The following CTNNA2 variants were observed in gnomAD, a reference collection of about 807,000 sequenced individuals.
CTNNA2 encodes catenin alpha-2.
Under a neutral mutation model 101.0 loss-of-function variants are expected in CTNNA2, and 42 were observed. The ratio of observed to expected loss-of-function variants is 0.42; its 90% confidence interval spans 0.32 to 0.54. CTNNA2 has a LOEUF of 0.54. Ranked by LOEUF, CTNNA2 falls within the 20% of genes least tolerant of loss-of-function variation. The pLI is 0.14. For synonymous variants in CTNNA2, 450 were observed against 456.4 expected, an observed-to-expected ratio of 0.99 and a Z score of 0.18; for missense variants, 871 against 1,223.1, an observed-to-expected ratio of 0.71 and a Z score of 4.29.
At chr2:80,444,227 G>T (rs1007252959) in intron 9 of CTNNA2, among the ~76,000 whole-genome samples, 1 of 152,178 alleles carries the variant, frequency 6.6e-6, no homozygotes, top group African/African-American at 2.4e-5. Context: ...GGGCAATAAG[G>T]ATGGGAGCAC....
At chr2:79,635,553 G>C (rs1352784700) in intron 1 of CTNNA2, among the ~76,000 whole-genome samples, 1 of 151,674 alleles carries the variant, frequency 6.6e-6, no homozygotes, top group Non-Finnish European at 1.5e-5. Context: ...GCCCAGACTG[G>C]AGTGTAGTGG....
chr2:80,043,940 C>T lies in CTNNA2; in HGVS notation c.1056+134143C>T, dbSNP rs1056465640. Among the ~76,000 whole-genome samples the T allele has an allele frequency of 5.3e-5, 8 of 152,244 alleles. No individual in the cohort carries two copies. The South Asian group carries it at 1.2e-3, about 24-fold the overall frequency. Reference sequence around the variant, plus strand: ...GTGTGTTTGTGCATGTATGCACACTCATGTTGTGCATGTATACACACCCAT... The same window carrying T: ...GTGTGTTTGTGCATGTATGCACACTTATGTTGTGCATGTATACACACCCAT... On this transcript the variant is annotated intron_variant, in intron 7 of 18. Transcript: ENST00000402739.
chr2:79,255,146 G>A (rs896119997), intron 2 of CTNNA2, among the ~76,000 whole-genome samples: 2 of 152,142 alleles, frequency 1.3e-5, no homozygotes, highest in African/African-American at 4.8e-5. Flanking sequence ...AAGATCCCAG[G>A]TAATTTTAAG....
chr2:79,541,439 T>C (rs200081337), intron 1 of CTNNA2, among the ~76,000 whole-genome samples: 36,116 of 145,560 alleles, frequency 0.25, 5,369 homozygotes, highest in Non-Finnish European at 0.32. Flanking sequence ...TATATATATA[T>C]ATATATATAT....
intron 6 of CTNNA2, among the ~76,000 whole-genome samples, chr2:79,885,999 A>G (rs1010620203): frequency 6.6e-6 from 1 of 152,250 alleles, no homozygotes; most frequent in African/African-American, 2.4e-5. Context: ...TTCAAAGTGT[A>G]TATGTGCCAG....
At chr2:79,333,053 C>T (rs1420301365) in intron 3 of CTNNA2, among the ~76,000 whole-genome samples, 1 of 152,128 alleles carries the variant, frequency 6.6e-6, no homozygotes. Context: ...GAATAACTAT[C>T]AGAATTTTGA....
chr2:80,625,280 C>A (rs1671565645), intron 18 of CTNNA2, among the ~76,000 whole-genome samples: 1 of 151,866 alleles, frequency 6.6e-6, no homozygotes, highest in African/African-American at 2.4e-5. Context: ...ATCAAAATAT[C>A]AACAGTTACA....
At chr2:79,208,953 A>G (rs2104195945) in intron 2 of CTNNA2, among the ~76,000 whole-genome samples, 1 of 152,270 alleles carries the variant, frequency 6.6e-6, no homozygotes, top group East Asian at 1.9e-4. Flanking sequence ...TGGTAATGAT[A>G]CTCATGTGGA....
intron 9 of CTNNA2, among the ~76,000 whole-genome samples, chr2:80,542,872 A>AT (rs756843700): frequency 0.022 from 2,319 of 107,540 alleles, 60 homozygotes; most frequent in African/African-American, 0.084. Context: ...CACTATCCTG[A>AT]TTTTTTCCCC....
chr2:80,119,750 AT>A (rs984190971), intron 7 of CTNNA2, among the ~76,000 whole-genome samples: 8 of 152,190 alleles, frequency 5.3e-5, no homozygotes, highest in Non-Finnish European at 1.2e-4. Context: ...CTATAACTAC[AT>A]TTTTATATGC....
chr2:80,412,561 C>T (rs1387868380), intron 8 of CTNNA2, among the ~76,000 whole-genome samples: 1 of 152,120 alleles, frequency 6.6e-6, no homozygotes, highest in African/African-American at 2.4e-5. Context: ...ACCACTTCAC[C>T]AAAAGGTGAT....
intron 9 of CTNNA2, among the ~76,000 whole-genome samples, chr2:80,446,095 A>G (rs1298135868): frequency 6.6e-6 from 1 of 152,220 alleles, no homozygotes; most frequent in Non-Finnish European, 1.5e-5. Context: ...GGCAAAGGTT[A>G]ATTAAAAATA....
At chr2:80,101,798 C>T (rs1700564285) in intron 7 of CTNNA2, among the ~76,000 whole-genome samples, 1 of 152,130 alleles carries the variant, frequency 6.6e-6, no homozygotes, top group Non-Finnish European at 1.5e-5. Context: ...ATGGAATCTT[C>T]TTTGTTCTTG....
chr2:79,268,811 G>T (rs1484170968), intron 2 of CTNNA2, among the ~76,000 whole-genome samples: 1 of 152,100 alleles, frequency 6.6e-6, no homozygotes, highest in Non-Finnish European at 1.5e-5. Flanking sequence ...TGACAACAGA[G>T]GAGAAACTGT....
intron 7 of CTNNA2, among the ~76,000 whole-genome samples, chr2:80,107,566 C>T (rs1309952633): frequency 6.6e-6 from 1 of 152,222 alleles, no homozygotes; most frequent in Non-Finnish European, 1.5e-5. Context: ...CTCTGCCTCA[C>T]CATCCTTCAA....
intron 12 of CTNNA2, among the ~76,000 whole-genome samples, chr2:80,567,925 C>T (rs367798198): frequency 2.0e-5 from 3 of 152,052 alleles, no homozygotes; most frequent in East Asian, 1.9e-4. Context: ...TTATCTCTCT[C>T]GAACAGGGGC....
At chr2:79,781,846 C>T (rs1034634684) in intron 3 of CTNNA2, among the ~76,000 whole-genome samples, 1 of 152,150 alleles carries the variant, frequency 6.6e-6, no homozygotes, top group Non-Finnish European at 1.5e-5. Flanking sequence ...TCATACATTT[C>T]TCAAATTATG....
chr2:80,337,935 T>C (rs983589271), intron 7 of CTNNA2, among the ~76,000 whole-genome samples: 1 of 152,030 alleles, frequency 6.6e-6, no homozygotes, highest in Non-Finnish European at 1.5e-5. Context: ...CCCAGGTGGC[T>C]TCCTAGAGCG....
chr2:80,093,117 T>C (rs979537830), intron 7 of CTNNA2, among the ~76,000 whole-genome samples: 4 of 152,012 alleles, frequency 2.6e-5, no homozygotes, highest in Admixed American at 1.3e-4. Flanking sequence ...AACTCATCAT[T>C]TAGCATTAGG....
Sources: gnomAD v4.1 joint callset for allele counts (sites outside exome capture counted in the v4.1 genomes callset) on GRCh38, gnomAD v4.1.1 for gene constraint, MANE v1.5 for transcripts, NCBI Gene and HGNC (gene_info 2026-07-23, HGNC 2026-07-21) for gene names.